TXNDC5: variants seen among roughly 807,000 people sequenced by gnomAD.
TXNDC5 encodes the protein thioredoxin domain-containing protein 5.
Under a neutral mutation model 52.6 loss-of-function variants are expected in TXNDC5, and 44 were observed. That is an observed-to-expected ratio of 0.84 (90% CI 0.66 to 1.08). The LOEUF (loss-of-function observed/expected upper bound fraction) is 1.08, where lower values mean the gene tolerates loss of function less well. Among genes scored for constraint, TXNDC5 ranks in the 50% least tolerant of loss-of-function variants. The probability of loss-of-function intolerance (pLI) is 0.00; values close to 1 mark genes in which losing one functional copy is unlikely to be tolerated. For missense variants in TXNDC5, 600 were observed against 565.5 expected, an observed-to-expected ratio of 1.06 and a Z score of -0.62; for synonymous variants, 241 against 234.4, an observed-to-expected ratio of 1.03 and a Z score of -0.26.
rs1416263384 is a variant in TXNDC5, at chr6:7,883,201, G to T, written c.1242C>A (p.Gly414=). ...GGKKVSEHSG[G]RDLDSLHRFV... ...AGCGGTGTAACGAGTCAAGGTCTCT[G>T]CCTCCACTGTGCTCACTGACTTTCT... The change falls in exon 10 of 10, where the codon GGC becomes GGA. Residue 414 remains glycine (G), a synonymous_variant. Coordinates refer to ENST00000379757, the MANE Select transcript of TXNDC5 (RefSeq NM_030810.5). 1 of 1,614,074 alleles carries T rather than the reference G, an allele frequency of 6.2e-7. No homozygotes were observed. Among genetic ancestry groups the T allele is most frequent in the Non-Finnish European group, 8.5e-7 (1 of 1,180,036 alleles).
At chr6:7,903,085 C>G (rs1168510206) in intron 2 of TXNDC5, among the ~76,000 whole-genome samples, 1 of 152,120 alleles carries the variant, frequency 6.6e-6, no homozygotes, top group Non-Finnish European at 1.5e-5. Context: ...AGATGGTCAG[C>G]AGGTTAAGAG....
chr6:7,890,840 C>T (rs1326980272), intron 5 of TXNDC5, among the ~76,000 whole-genome samples: 6 of 152,064 alleles, frequency 3.9e-5, no homozygotes, highest in Non-Finnish European at 2.9e-5. Context: ...AGGGGGAGAC[C>T]GAGGCGTGGA....
intron 2 of TXNDC5, among the ~76,000 whole-genome samples, chr6:7,903,914 C>T (rs185810560): frequency 2.0e-5 from 3 of 152,290 alleles, no homozygotes; most frequent in African/African-American, 7.2e-5. Context: ...CAGGGCCAGT[C>T]AGTGGTGGGC....
chr6:7,909,669 A>G (rs1369714804), intron 1 of TXNDC5: 9 of 663,230 alleles, frequency 1.4e-5, no homozygotes, highest in Non-Finnish European at 1.7e-5. Flanking sequence ...CCGTTCAGAG[A>G]TTACATCCAC....
intron 3 of TXNDC5, among the ~76,000 whole-genome samples, chr6:7,899,027 C>T (rs183612129): frequency 1.3e-5 from 2 of 152,016 alleles, no homozygotes; most frequent in Admixed American, 6.5e-5. Context: ...GGGCTAGGCC[C>T]GAGCCAGAGG....
At chr6:7,883,338 C>T (rs1002559078) in intron 9 of TXNDC5, 72 bp from the exon 10 acceptor site, 31 of 1,605,846 alleles carry the variant, frequency 1.9e-5, no homozygotes, top group Non-Finnish European at 5.9e-6. Flanking sequence ...CTAAATAAAA[C>T]CAGATACACT....
intron 2 of TXNDC5, among the ~76,000 whole-genome samples, chr6:7,901,182 G>A (rs761221513): frequency 5.1e-4 from 78 of 152,180 alleles, no homozygotes; most frequent in Non-Finnish European, 8.4e-4. Context: ...CCAGTACACC[G>A]GCTACGTCAC....
chr6:7,909,219 T>C (rs938266245), intron 1 of TXNDC5, among the ~76,000 whole-genome samples: 1 of 152,188 alleles, frequency 6.6e-6, no homozygotes, highest in African/African-American at 2.4e-5. Context: ...ACTGGCCATT[T>C]TTCTTAGGGT....
intron 3 of TXNDC5, among the ~76,000 whole-genome samples, chr6:7,895,917 CA>C (rs1760354424): frequency 6.6e-6 from 1 of 152,152 alleles, no homozygotes; most frequent in African/African-American, 2.4e-5. Context: ...CACTTGATCC[CA>C]GGGGGTGGAG....
chr6:7,893,901 A>G (rs900556732), intron 4 of TXNDC5, among the ~76,000 whole-genome samples: 1 of 152,224 alleles, frequency 6.6e-6, no homozygotes, highest in African/African-American at 2.4e-5. Context: ...CAGGAAGCCA[A>G]AATTGCTTTC....
chr6:7,910,539 G>A lies in TXNDC5; in HGVS notation c.238C>T (p.His80Tyr). The stretch of plus-strand genomic sequence containing the variant: ...CAGGGCGCGAAGAACATGACGAAGT[G>A]CGCGGCGCTCTGGATCCCGTGCGTG... ...MFTHGIQSAA[H>Y]FVMFFAPWCG... Residue 80 changes from histidine (H) to tyrosine (Y), a missense_variant, in exon 1 of 10, where the codon CAC (histidine) becomes TAC (tyrosine). Coordinates refer to ENST00000379757, the MANE Select transcript of TXNDC5 (RefSeq NM_030810.5). The A allele has an allele frequency of 6.9e-7, 1 of 1,458,518 alleles. No individual in the cohort carries two copies. Among genetic ancestry groups the A allele is most frequent in the South Asian group, 1.3e-5 (1 of 78,990 alleles). 90.3% of individuals were successfully genotyped at this position (1,458,518 alleles called of 1,614,324 possible). A position where few individuals can be genotyped will look rare whatever the true frequency, so the allele number is the denominator to read the frequency against.
rs758698556 is a variant in TXNDC5, at chr6:7,888,781, C to T, written c.887G>A (p.Arg296His). 6.6e-5 allele frequency: 107 copies of T among 1,613,980 alleles called. No homozygotes were observed. The highest frequency in any genetic ancestry group is 7.8e-5 in the Non-Finnish European group (92 of 1,180,018). ...GGTCTCCGTCGCTCCAGTCTCTGTGCGCTGCAGCTGCGACTCCACGTACTC... is the reference window on the plus strand; with the variant it reads ...GGTCTCCGTCGCTCCAGTCTCTGTGTGCTGCAGCTGCGACTCCACGTACTC... ...LREYVESQLQ[R>H]TETGATETVT... The change falls in exon 7 of 10, where the codon CGC (arginine) becomes CAC (histidine). Residue 296 changes from arginine to histidine, a missense_variant. By Grantham distance (29) the Arg-to-His change is conservative. Transcript: ENST00000379757.
chr6:7,908,281 C>CAAAA (rs57783770), intron 1 of TXNDC5, among the ~76,000 whole-genome samples: 6 of 62,776 alleles, frequency 9.6e-5, no homozygotes, highest in East Asian at 4.5e-4. Context: ...GACTCCATCT[C>CAAAA]AAAAAAAAAA....
At chr6:7,901,981 A>T (rs1359975164) in intron 2 of TXNDC5, among the ~76,000 whole-genome samples, 1 of 152,184 alleles carries the variant, frequency 6.6e-6, no homozygotes, top group Non-Finnish European at 1.5e-5. Flanking sequence ...GATGGGCCCC[A>T]ATCTAGCATG....
At chr6:7,885,725 T>C (rs906151275) in intron 8 of TXNDC5, among the ~76,000 whole-genome samples, 1 of 152,168 alleles carries the variant, frequency 6.6e-6, no homozygotes, top group Non-Finnish European at 1.5e-5. Flanking sequence ...ATTCTCCATA[T>C]ATAATCAAAG....
rs751637756 is a variant in TXNDC5 at position 7,882,942 on chromosome 6, A to T, written c.*202T>A. ...TTTACACAGTGACCATGAGTTACAC[A>T]TTTACTTAGAGAAACTTAACTTAAT... On this transcript the variant is annotated 3_prime_UTR_variant, in exon 10 of 10. Transcript: ENST00000379757. The T allele has an allele frequency of 7.0e-5, 43 of 616,096 alleles. No homozygotes were observed. The highest frequency in any genetic ancestry group is 1.1e-4 in the Non-Finnish European group (42 of 372,078). 38.2% of individuals were successfully genotyped at this position (616,096 alleles called of 1,614,324 possible). A position where few individuals can be genotyped will look rare whatever the true frequency, so the allele number is the denominator to read the frequency against.
At chr6:7,905,063 C>T (rs1760689572) in intron 1 of TXNDC5, among the ~76,000 whole-genome samples, 1 of 152,208 alleles carries the variant, frequency 6.6e-6, no homozygotes, top group Non-Finnish European at 1.5e-5. Context: ...AGCCCTACTG[C>T]AGCATCTGCA....
At chr6:7,891,386 CTT>C (rs1485485877) in intron 5 of TXNDC5, among the ~76,000 whole-genome samples, 1 of 152,126 alleles carries the variant, frequency 6.6e-6, no homozygotes, top group African/African-American at 2.4e-5. Context: ...TTGGCCATCT[CTT>C]CAAAATAAAC....
chr6:7,895,289 G>A (rs1021505458), intron 3 of TXNDC5, 87 bp from the exon 4 acceptor site: 18 of 1,130,758 alleles, frequency 1.6e-5, no homozygotes, highest in Admixed American at 9.5e-5. Flanking sequence ...GTGGGGAACC[G>A]CCTGCAGATG....
Sources: gnomAD v4.1 joint callset for allele counts (sites outside exome capture counted in the v4.1 genomes callset) on GRCh38, gnomAD v4.1.1 for gene constraint, MANE v1.5 for transcripts, NCBI Gene and HGNC (gene_info 2026-07-23, HGNC 2026-07-21) for gene names.